The following USP6 variants were observed in gnomAD, a reference collection of about 807,000 sequenced individuals.
The protein encoded by USP6 is ubiquitin specific peptidase 6, also known as ubiquitin carboxyl-terminal hydrolase 6.
A neutral mutation model predicts 175.7 loss-of-function variants in USP6; 128 were observed. The observed-to-expected ratio is 0.73, with a 90% CI of 0.63 to 0.84. USP6 has a LOEUF of 0.84. Among genes scored for constraint, USP6 ranks in the 40% least tolerant of loss-of-function variants. The probability of loss-of-function intolerance (pLI) is 0.00; values close to 1 mark genes in which losing one functional copy is unlikely to be tolerated. For missense variants in USP6, 1,498 were observed against 1,760.3 expected (o/e 0.85, Z 2.67); for synonymous variants, 562 against 630.6 (o/e 0.89, Z 1.63).
In USP6 at chr17:5,170,462, T is replaced by G; in HGVS notation, c.3518-17T>G. On this transcript the variant is annotated splice_polypyrimidine_tract_variant and intron_variant, in intron 35 of 37. Transcript: ENST00000574788. ...GGCATTTGGATTTGTGAATCTTTTCTTCTGTCCTGTTCACAGGTTCTCCTT... is the reference window on the plus strand; with the variant it reads ...GGCATTTGGATTTGTGAATCTTTTCGTCTGTCCTGTTCACAGGTTCTCCTT... 1.3e-6 allele frequency: 2 copies of G among 1,582,838 alleles called. No homozygotes were observed. Among genetic ancestry groups the G allele is most frequent in the Non-Finnish European group, 1.7e-6 (2 of 1,163,988 alleles).
rs878955325 is a variant in USP6, at chr17:5,138,352, CCTACT to C, written c.1078+80_1078+84del. On this transcript the variant is annotated intron_variant, in intron 21 of 37. Transcript: ENST00000574788. ...TGGGCGGGTGCCCCGGACCAGCAAC[CCTACT>C]ACCTGGGCCTTCCTCTTCACCTTTT... 6.2e-5 allele frequency: 99 copies of C among 1,599,184 alleles called. No homozygotes were observed. In the South Asian group the frequency reaches 1.0e-3, roughly 16 times the overall value.
At chr17:5,146,474 T>C (rs1163640567) in intron 28 of USP6, among the ~76,000 whole-genome samples, 2 of 152,186 alleles carry the variant, frequency 1.3e-5, no homozygotes, top group Non-Finnish European at 2.9e-5. Context: ...CTGCTGCTAT[T>C]ACCAAAGACT....
chr17:5,138,990 A>C, intron 21 of USP6: 1 of 1,510,840 alleles, frequency 6.6e-7, no homozygotes, highest in Non-Finnish European at 8.9e-7. Context: ...CCCTGGGACG[A>C]AGGTGTGTGG....
At chr17:5,146,969 G>T in intron 28 of USP6, 114 bp from the exon 29 acceptor site, 1 of 1,070,866 alleles carries the variant, frequency 9.3e-7, no homozygotes, top group Non-Finnish European at 1.3e-6. Flanking sequence ...CAATCATCTC[G>T]TTGGTTTTAT....
chr17:5,166,181 C>T (rs2074092733), intron 33 of USP6, among the ~76,000 whole-genome samples: 1 of 152,042 alleles, frequency 6.6e-6, no homozygotes, highest in African/African-American at 2.4e-5. Context: ...CAGTTAATAT[C>T]TTGTTACTAC....
chr17:5,142,578 G>C (rs2073479588), intron 25 of USP6, 76 bp downstream of exon 25: 1 of 1,503,408 alleles, frequency 6.7e-7, no homozygotes, highest in Non-Finnish European at 8.9e-7. Flanking sequence ...CTTGTTTTTT[G>C]TGTTTAGCCT....
chr17:5,122,111 C>A (rs2072688985), intron 4 of USP6, among the ~76,000 whole-genome samples: 1 of 151,162 alleles, frequency 6.6e-6, no homozygotes, highest in African/African-American at 2.4e-5. Flanking sequence ...GGGAGTGTGG[C>A]CAGAGAAGTC....
At chr17:5,151,432 TGTGTG>T (rs1161138717) in intron 30 of USP6, among the ~76,000 whole-genome samples, 2 of 11,222 alleles carry the variant, frequency 1.8e-4, no homozygotes, top group Admixed American at 2.7e-3. Flanking sequence ...AAAGTCTGCA[TGTGTG>T]TGTGTGTGTG....
intron 30 of USP6, among the ~76,000 whole-genome samples, chr17:5,149,956 G>T (rs1008566413): frequency 2.6e-5 from 4 of 152,170 alleles, no homozygotes; most frequent in African/African-American, 9.7e-5. Flanking sequence ...TCTGCCACTA[G>T]ATAGCTGATT....
chr17:5,173,050 G>A lies in USP6; in HGVS notation c.*72G>A. The A allele has an allele frequency of 6.4e-7, 1 of 1,550,958 alleles. No homozygotes were observed. The highest frequency in any genetic ancestry group is 8.8e-7 in the Non-Finnish European group (1 of 1,140,736). Reference sequence around the variant, plus strand: ...TCCTTGTAGCTGATACTTGGCAAAAGTGTCACTGAAAGACAAGCTAAATGT... The same window carrying A: ...TCCTTGTAGCTGATACTTGGCAAAAATGTCACTGAAAGACAAGCTAAATGT... On this transcript the variant is annotated 3_prime_UTR_variant, in exon 38 of 38. Coordinates refer to ENST00000574788, the MANE Select transcript of USP6 (RefSeq NM_001304284.2).
At chr17:5,171,321 T>C (rs538196690) in intron 36 of USP6, among the ~76,000 whole-genome samples, 2 of 152,260 alleles carry the variant, frequency 1.3e-5, no homozygotes, top group Admixed American at 6.5e-5. Flanking sequence ...GCCTGGGTGA[T>C]AGAGCAAGCC....
chr17:5,174,116 A>G lies in USP6; in HGVS notation c.*1138A>G, dbSNP rs1034029130. 1 of 201,588 alleles carries G rather than the reference A, an allele frequency of 5.0e-6. No individual in the cohort carries two copies. The highest frequency in any genetic ancestry group is 6.0e-5 in the Admixed American group (1 of 16,624). The allele number at this position is 201,588 out of a possible 1,614,324, so 12.5% of individuals were successfully genotyped here. On this transcript the variant is annotated 3_prime_UTR_variant, in exon 38 of 38. Transcript: ENST00000574788. Reference sequence around the variant, plus strand: ...CATGTCCACTGGTTTTTTTATTTTGATATTTGTCTTTTTTTAAATTTTACA... The same window carrying G: ...CATGTCCACTGGTTTTTTTATTTTGGTATTTGTCTTTTTTTAAATTTTACA...
At position 5,130,631 on chromosome 17, in the gene USP6, G is replaced by A. The variant is rs1007303378; in HGVS notation, c.102G>A (p.Lys34=). The change falls in exon 11 of 38, where the codon AAG becomes AAA. Residue 34 remains lysine, a synonymous_variant. Transcript: ENST00000574788. The part of the protein sequence containing the change: ...KGHRAGLPED[K]GPEPVGINSS... ...ACCGAGCTGGGCTGCCAGAGGACAAGGGGCCTGAGCCCGTTGGAATCAACA... is the reference window on the plus strand; with the variant it reads ...ACCGAGCTGGGCTGCCAGAGGACAAAGGGCCTGAGCCCGTTGGAATCAACA... 3 of 1,613,850 alleles carry A rather than the reference G, an allele frequency of 1.9e-6. No individual in the cohort carries two copies. In the African/African-American group the frequency reaches 4.0e-5, roughly 22 times the overall value.
At chr17:5,165,613 GAA>G (rs948823453) in intron 33 of USP6, among the ~76,000 whole-genome samples, 5 of 150,802 alleles carry the variant, frequency 3.3e-5, no homozygotes, top group Non-Finnish European at 7.4e-5. Flanking sequence ...AAACAAAAAA[GAA>G]AAAAAAATTA....
At chr17:5,164,359 C>A (rs2074060356) in intron 33 of USP6, among the ~76,000 whole-genome samples, 1 of 152,038 alleles carries the variant, frequency 6.6e-6, no homozygotes, top group Non-Finnish European at 1.5e-5. Context: ...AATGAAAGAT[C>A]ACTAGGCTAA....
intron 7 of USP6, chr17:5,128,731 A>G (rs2071457): frequency 0.75 from 114,834 of 152,684 alleles, 44,000 homozygotes; most frequent in Non-Finnish European, 0.81. Flanking sequence ...CTGCTGACCC[A>G]GGCAAGGCCC....
At chr17:5,152,781 G>C (rs552411835) in intron 30 of USP6, among the ~76,000 whole-genome samples, 1 of 152,204 alleles carries the variant, frequency 6.6e-6, no homozygotes, top group African/African-American at 2.4e-5. Context: ...CTGATTGCTT[G>C]AGCCCAGGAG....
At position 5,172,834 on chromosome 17, in the gene USP6, C is replaced by T. The variant is rs2074257103; in HGVS notation, c.4077C>T (p.Asp1359=). The T allele has an allele frequency of 6.2e-7, 1 of 1,613,734 alleles. No individual in the cohort carries two copies. Among genetic ancestry groups the T allele is most frequent in the Non-Finnish European group, 8.5e-7 (1 of 1,179,878 alleles). The change falls in exon 38 of 38, where the codon GAC becomes GAT. Residue 1359 remains aspartate, a synonymous_variant. Transcript: ENST00000574788. ...EELHPDEIDT[D]SAYILFYEQQ... ...TTCACCCTGATGAAATTGACACCGA[C>T]TCTGCCTACATTCTTTTCTATGAGC...
In USP6 at chr17:5,124,058, C is replaced by T. The variant is rs532518812; in HGVS notation, c.-1298-508C>T. Among the ~76,000 whole-genome samples the T allele has an allele frequency of 7.9e-5, 12 of 152,332 alleles. No homozygotes were observed. In the South Asian group the frequency reaches 2.3e-3, roughly 29 times the overall value. Reference sequence around the variant, plus strand: ...CCCTACCAGGACACGGAGTCACACTCCTAGGCATGTGTGGACAGGCTGCCT... The same window carrying T: ...CCCTACCAGGACACGGAGTCACACTTCTAGGCATGTGTGGACAGGCTGCCT... On this transcript the variant is annotated intron_variant, in intron 4 of 37. Coordinates refer to ENST00000574788, the MANE Select transcript of USP6 (RefSeq NM_001304284.2).
Sources: allele counts gnomAD v4.1 joint callset (sites outside exome capture counted in the v4.1 genomes callset), GRCh38; gene constraint gnomAD v4.1.1; transcripts MANE v1.5; gene names NCBI Gene and HGNC (gene_info 2026-07-23, HGNC 2026-07-21).